Variants in SLIT3 observed in about 807,000 individuals in gnomAD.
The protein encoded by SLIT3 is slit guidance ligand 3, also known as slit homolog 3 protein.
Under a neutral mutation model 184.0 loss-of-function variants are expected in SLIT3, and 68 were observed. That is an observed-to-expected ratio of 0.37 (90% CI 0.30 to 0.45). The LOEUF (loss-of-function observed/expected upper bound fraction) is 0.45, where lower values mean the gene tolerates loss of function less well. SLIT3 is among the 20% of genes least tolerant of loss of function. The pLI is 1.00. For synonymous variants in SLIT3, 831 were observed against 828.6 expected (o/e 1.00, Z -0.05); for missense variants, 1,707 against 2,026.0 (o/e 0.84, Z 3.02).
At chr5:169,247,568 T>C (rs932237702) in intron 2 of SLIT3, among the ~76,000 whole-genome samples, 2 of 152,122 alleles carry the variant, frequency 1.3e-5, no homozygotes, top group Non-Finnish European at 1.5e-5. Flanking sequence ...CTTTCAGAGA[T>C]GGGAATAGAA....
At chr5:169,270,800 TGGG>T (rs1219187647) in intron 1 of SLIT3, among the ~76,000 whole-genome samples, 1 of 152,198 alleles carries the variant, frequency 6.6e-6, no homozygotes, top group Non-Finnish European at 1.5e-5. Flanking sequence ...ATTCTGCACT[TGGG>T]GGACAGAAGT....
At chr5:169,219,183 A>T (rs988130181) in intron 3 of SLIT3, among the ~76,000 whole-genome samples, 6 of 152,168 alleles carry the variant, frequency 3.9e-5, no homozygotes, top group African/African-American at 1.4e-4. Flanking sequence ...GTTTATTATC[A>T]GAAGAAAAAA....
intron 29 of SLIT3, among the ~76,000 whole-genome samples, chr5:168,690,860 T>C (rs567121153): frequency 6.6e-6 from 1 of 152,174 alleles, no homozygotes; most frequent in East Asian, 1.9e-4. Context: ...GATGTGAAAA[T>C]AGAAAAGGAA....
At chr5:168,728,277 CATAT>C (rs3061738) in intron 20 of SLIT3, among the ~76,000 whole-genome samples, 79 of 140,886 alleles carry the variant, frequency 5.6e-4, no homozygotes, top group East Asian at 2.5e-3. Context: ...TAATCAACAA[CATAT>C]ATATATATAT....
chr5:168,901,311 CTGAGA>C (rs1581193685), intron 4 of SLIT3, among the ~76,000 whole-genome samples: 1 of 152,142 alleles, frequency 6.6e-6, no homozygotes, highest in African/African-American at 2.4e-5. Flanking sequence ...TTGCAGTGAG[CTGAGA>C]TGACACCACT....
chr5:168,981,027 T>A (rs140861705), intron 4 of SLIT3, among the ~76,000 whole-genome samples: 121 of 152,340 alleles, frequency 7.9e-4, no homozygotes, highest in African/African-American at 2.7e-3. Context: ...CTTAGATGAA[T>A]TTCTTCTTTT....
intron 4 of SLIT3, among the ~76,000 whole-genome samples, chr5:168,901,669 G>A (rs1047894391): frequency 6.6e-6 from 1 of 152,168 alleles, no homozygotes; most frequent in Non-Finnish European, 1.5e-5. Flanking sequence ...AAAGAAAAAG[G>A]ACTCGCCCAA....
chr5:168,904,181 A>C (rs1376395651), intron 4 of SLIT3, among the ~76,000 whole-genome samples: 1 of 152,020 alleles, frequency 6.6e-6, no homozygotes, highest in Non-Finnish European at 1.5e-5. Context: ...GACAATGAAG[A>C]CTCAAAGTTT....
chr5:168,818,353 C>A (rs751117544), intron 7 of SLIT3, among the ~76,000 whole-genome samples: 5 of 152,134 alleles, frequency 3.3e-5, no homozygotes, highest in Non-Finnish European at 5.9e-5. Flanking sequence ...TGAGGGGAAT[C>A]CCATCAAGTT....
rs1491545695 is a variant in SLIT3 at position 168,798,221 on chromosome 5, TTC to T, written c.936-2645_936-2644del. On this transcript the variant is annotated intron_variant, in intron 9 of 35. Coordinates refer to ENST00000519560, the MANE Select transcript of SLIT3 (RefSeq NM_003062.4). ...TTTTGGTTTTCTTTTCTTCTTCTTC[TTC>T]TTTTTTTTTTTTTTTTAAGAGACAG... 5.6e-4 allele frequency among the ~76,000 whole-genome samples: 26 copies of T among 46,520 alleles called. 1 individual carries two copies. Among genetic ancestry groups the T allele is most frequent in the African/African-American group, 2.7e-3 (22 of 8,182 alleles). 30.5% of individuals were successfully genotyped at this position (46,520 alleles called of 152,430 possible). A position where few individuals can be genotyped will look rare whatever the true frequency, so the allele number is the denominator to read the frequency against.
chr5:169,280,591 G>A (rs1766963828), intron 1 of SLIT3, among the ~76,000 whole-genome samples: 1 of 152,154 alleles, frequency 6.6e-6, no homozygotes, highest in African/African-American at 2.4e-5. Context: ...GGACACTCTT[G>A]CCATTCTGGT....
At chr5:169,224,156 T>A (rs897015052) in intron 3 of SLIT3, among the ~76,000 whole-genome samples, 1 of 152,164 alleles carries the variant, frequency 6.6e-6, no homozygotes, top group Non-Finnish European at 1.5e-5. Context: ...GTCCTTTTTT[T>A]AACTGGTAGA....
chr5:168,893,626 T>C (rs1284560140), intron 4 of SLIT3, among the ~76,000 whole-genome samples: 1 of 152,194 alleles, frequency 6.6e-6, no homozygotes, highest in Non-Finnish European at 1.5e-5. Context: ...GTGTCTTCTT[T>C]AGAGAGATGG....
chr5:169,020,458 T>G (rs1306860319), intron 4 of SLIT3, among the ~76,000 whole-genome samples: 1 of 152,206 alleles, frequency 6.6e-6, no homozygotes, highest in Non-Finnish European at 1.5e-5. Flanking sequence ...AATCATGAAT[T>G]GAGTAAAGGA....
intron 4 of SLIT3, among the ~76,000 whole-genome samples, chr5:169,141,042 G>GT (rs1360791660): frequency 2.0e-5 from 3 of 152,044 alleles, no homozygotes; most frequent in African/African-American, 7.2e-5. Context: ...CTCAACTTAC[G>GT]TTTTTTCCTT....
At chr5:169,119,838 T>C (rs1478233731) in intron 4 of SLIT3, 2 of 152,354 alleles carry the variant, frequency 1.3e-5, no homozygotes, top group African/African-American at 2.4e-5. Context: ...TCTTGCAGCA[T>C]TGCCAAATGG....
At chr5:168,676,077 C>A (rs1761400547) in intron 32 of SLIT3, among the ~76,000 whole-genome samples, 1 of 151,964 alleles carries the variant, frequency 6.6e-6, no homozygotes, top group African/African-American at 2.4e-5. Context: ...CACATCCATC[C>A]ATCCTTCATC....
chr5:169,275,494 G>T (rs1428481882), intron 1 of SLIT3, among the ~76,000 whole-genome samples: 1 of 152,150 alleles, frequency 6.6e-6, no homozygotes, highest in Non-Finnish European at 1.5e-5. Context: ...GAAAAGGATT[G>T]TATTAATCTG....
At chr5:169,059,936 G>A (rs898901585) in intron 4 of SLIT3, among the ~76,000 whole-genome samples, 1 of 152,184 alleles carries the variant, frequency 6.6e-6, no homozygotes, top group South Asian at 2.1e-4. Context: ...TTTTGAATGA[G>A]ATTAGTGCCC....
Sources: allele counts gnomAD v4.1 joint callset (sites outside exome capture counted in the v4.1 genomes callset), GRCh38; gene constraint gnomAD v4.1.1; transcripts MANE v1.5; gene names NCBI Gene and HGNC (gene_info 2026-07-23, HGNC 2026-07-21).